Variants in ADARB1 observed in about 807,000 individuals in gnomAD.
The protein encoded by ADARB1 is adenosine deaminase RNA specific B1, also known as double-stranded RNA-specific editase 1.
Under a neutral mutation model 52.4 loss-of-function variants are expected in ADARB1, and 10 were observed. That is an observed-to-expected ratio of 0.19 (90% confidence interval 0.12 to 0.32). The LOEUF is 0.32. ADARB1 is among the 10% of genes least tolerant of loss of function. ADARB1 has a pLI of 1.00. For synonymous variants in ADARB1, 349 were observed against 371.1 expected, an observed-to-expected ratio of 0.94 and a Z score of 0.68; for missense variants, 643 against 922.3, an observed-to-expected ratio of 0.70 and a Z score of 3.92.
intron 2 of ADARB1, among the ~76,000 whole-genome samples, chr21:45,150,423 T>C (rs893072180): frequency 6.6e-6 from 1 of 152,240 alleles, no homozygotes; most frequent in Admixed American, 6.5e-5. Flanking sequence ...AATTATTAAG[T>C]TATAAGATAT....
Position 45,208,788 on chromosome 21 carries a change from AAG to A in ADARB1, c.1747+4055_1747+4056del, listed in dbSNP as rs780528702. On this transcript the variant is annotated intron_variant, in intron 9 of 10. Coordinates refer to ENST00000348831, the MANE Select transcript of ADARB1 (RefSeq NM_001112.4). This position sits in a 1 kb window ranked among gnomAD's most constrained non-coding sequence, Gnocchi z 5.6. ...AAGAGCAGGCACCGGGGTTGTGGGA[AAG>A]AGGTGTCAGTAATGTGAGTTTCCTC... 7.9e-5 allele frequency among the ~76,000 whole-genome samples: 12 copies of A among 151,972 alleles called. No individual in the cohort carries two copies. Among genetic ancestry groups the A allele is most frequent in the Admixed American group, 3.9e-4 (6 of 15,256 alleles).
chr21:45,225,254 C>A lies in ADARB1; in HGVS notation c.*3057C>A. 3 of 1,138,844 alleles carry A rather than the reference C, an allele frequency of 2.6e-6. No homozygotes were observed. The highest frequency in any genetic ancestry group is 2.2e-6 in the Non-Finnish European group (2 of 929,272). The allele number at this position is 1,138,844 out of a possible 1,614,324, so 70.5% of individuals were successfully genotyped here. Reference sequence around the variant, plus strand: ...CAGGTCCAGATGGATGTCGTCACCACCTTCCTCAGCTCTCATCACCTGGTC... The same window carrying A: ...CAGGTCCAGATGGATGTCGTCACCAACTTCCTCAGCTCTCATCACCTGGTC... On this transcript the variant is annotated 3_prime_UTR_variant, in exon 11 of 11. Transcript: ENST00000348831.
At chr21:45,099,418 G>A (rs921942347) in intron 1 of ADARB1, among the ~76,000 whole-genome samples, 1 of 152,022 alleles carries the variant, frequency 6.6e-6, no homozygotes, top group African/African-American at 2.4e-5. Context: ...TAATCCCAGC[G>A]CTTTGGGAGG....
At position 45,094,542 on chromosome 21, in the gene ADARB1, C is replaced by T. The variant is rs112358321; in HGVS notation, c.-220+19749C>T. Among the ~76,000 whole-genome samples, 350 of 152,292 alleles carry T rather than the reference C, an allele frequency of 2.3e-3. 2 individuals carry two copies. The highest frequency in any genetic ancestry group is 7.6e-3 in the African/African-American group (316 of 41,566). ...CCAGGCGCCCCGCCAGATCAGGGAA[C>T]ATCCTCTGTACATGGAAGCAGCCCC... On this transcript the variant is annotated intron_variant, in intron 1 of 10. Coordinates refer to ENST00000348831, the MANE Select transcript of ADARB1 (RefSeq NM_001112.4).
At chr21:45,171,769 C>A in intron 3 of ADARB1, 85 bp downstream of exon 3, 3 of 1,277,438 alleles carry the variant, frequency 2.3e-6, no homozygotes, top group Admixed American at 2.1e-5. Context: ...TTCATGAGAC[C>A]AGTGTGGGGA....
At chr21:45,117,032 A>G (rs2087869153) in intron 1 of ADARB1, 1 of 152,122 alleles carries the variant, frequency 6.6e-6, no homozygotes, top group South Asian at 2.1e-4. Context: ...TGGCGCATGG[A>G]GGAATGGTTT....
At position 45,175,873 on chromosome 21, in the gene ADARB1, G is replaced by T; in HGVS notation, c.172G>T (p.Gly58Cys). The change falls in exon 4 of 11, where the codon GGC becomes TGC. Residue 58 changes from glycine to cysteine, a missense_variant. Gly to Cys is a radical substitution (Grantham distance 159). Transcript: ENST00000348831. The stretch of plus-strand genomic sequence containing the variant: ...CGGCAGAAAGCGGCCCCTGGAGGAG[G>T]GCAGCAATGGCCACTCCAAGTACCG... ...GPGRKRPLEE[G>C]SNGHSKYRLK... 6.2e-7 allele frequency: 1 copy of T among 1,613,528 alleles called. No individual in the cohort carries two copies. The highest frequency in any genetic ancestry group is 8.5e-7 in the Non-Finnish European group (1 of 1,179,778).
At chr21:45,140,633 G>C (rs977710450) in intron 2 of ADARB1, among the ~76,000 whole-genome samples, 1 of 152,140 alleles carries the variant, frequency 6.6e-6, no homozygotes, top group African/African-American at 2.4e-5. Flanking sequence ...GTGTGTGTGC[G>C]TGAGTGTATG....
At chr21:45,213,347 C>T (rs1369434844) in intron 9 of ADARB1, among the ~76,000 whole-genome samples, 1 of 151,914 alleles carries the variant, frequency 6.6e-6, no homozygotes, top group Non-Finnish European at 1.5e-5. Context: ...TTAATGAGAA[C>T]AATTTTTTTT....
chr21:45,167,320 T>C (rs2069007582), intron 2 of ADARB1, among the ~76,000 whole-genome samples: 1 of 152,208 alleles, frequency 6.6e-6, no homozygotes, highest in Non-Finnish European at 1.5e-5. Flanking sequence ...TGCACTTTTA[T>C]TGTTGTTGTA....
At position 45,200,963 on chromosome 21, in the gene ADARB1, C is replaced by T. The variant is rs1176091727; in HGVS notation, c.1566-3592C>T. The stretch of plus-strand genomic sequence containing the variant: ...GAAATGGCACAAGGAAAATGAAAGA[C>T]GAAGAAGGCCAGGCACAGATGCCTA... On this transcript the variant is annotated intron_variant, in intron 8 of 10. Transcript: ENST00000348831. The surrounding 1 kb of genome is among the most constrained non-coding windows in gnomAD (Gnocchi z 5.0). Among the ~76,000 whole-genome samples the T allele has an allele frequency of 2.6e-5, 4 of 152,150 alleles. No homozygotes were observed. The highest frequency in any genetic ancestry group is 2.9e-5 in the Non-Finnish European group (2 of 68,018).
intron 2 of ADARB1, among the ~76,000 whole-genome samples, chr21:45,151,920 T>G (rs969951482): frequency 2.0e-5 from 3 of 152,230 alleles, no homozygotes; most frequent in Admixed American, 6.5e-5. Flanking sequence ...TGGCTGTGTG[T>G]CATTCACCTG....
rs1462851809 is a variant in ADARB1 at position 45,204,526 on chromosome 21, C to G, written c.1566-29C>G. 2 of 1,611,796 alleles carry G rather than the reference C, an allele frequency of 1.2e-6. No homozygotes were observed. Among genetic ancestry groups the G allele is most frequent in the African/African-American group, 2.7e-5 (2 of 74,888 alleles). ...TGCGTCGACACTGAGTCCGAGCTCC[C>G]TGAAGACTGTGCTTTCTTCTCCCTC... On this transcript the variant is annotated intron_variant, in intron 8 of 10. Coordinates refer to ENST00000348831, the MANE Select transcript of ADARB1 (RefSeq NM_001112.4). This position sits in a 1 kb window ranked among gnomAD's most constrained non-coding sequence, Gnocchi z 4.4.
At chr21:45,114,896 C>T (rs2087745417) in intron 1 of ADARB1, among the ~76,000 whole-genome samples, 1 of 152,234 alleles carries the variant, frequency 6.6e-6, no homozygotes, top group Admixed American at 6.5e-5. Context: ...GATCTTCAAG[C>T]AGGCAAACTG....
chr21:45,129,817 A>G (rs557456457), intron 2 of ADARB1, among the ~76,000 whole-genome samples: 15 of 152,314 alleles, frequency 9.8e-5, no homozygotes, highest in African/African-American at 3.6e-4. Flanking sequence ...AGACACACCC[A>G]TGTCTGACTA....
intron 1 of ADARB1, among the ~76,000 whole-genome samples, chr21:45,088,420 T>C (rs567807815): frequency 9.5e-4 from 145 of 152,248 alleles, no homozygotes; most frequent in African/African-American, 3.4e-3. Context: ...AGGAAATGAG[T>C]AATGATAGTA....
chr21:45,144,327 A>C (rs1450299434), intron 2 of ADARB1, among the ~76,000 whole-genome samples: 1 of 152,202 alleles, frequency 6.6e-6, no homozygotes. Flanking sequence ...GGCATAGATA[A>C]AAATAAAATT....
intron 1 of ADARB1, among the ~76,000 whole-genome samples, chr21:45,099,754 C>T (rs77938229): frequency 3.3e-5 from 5 of 152,186 alleles, no homozygotes; most frequent in Non-Finnish European, 7.3e-5. Flanking sequence ...ACAGTAAGCC[C>T]GTGTGAAGTG....
chr21:45,098,445 C>A (rs2086859200), intron 1 of ADARB1, among the ~76,000 whole-genome samples: 1 of 152,206 alleles, frequency 6.6e-6, no homozygotes, highest in Non-Finnish European at 1.5e-5. Context: ...CTGCTGACGG[C>A]CCCTTCTGCC....
Sources: allele counts gnomAD v4.1 joint callset (sites outside exome capture counted in the v4.1 genomes callset), GRCh38; gene constraint gnomAD v4.1.1; non-coding constraint Gnocchi (gnomAD v3.1); transcripts MANE v1.5; gene names NCBI Gene and HGNC (gene_info 2026-07-23, HGNC 2026-07-21).